Variants in KCNIP4 observed in about 807,000 individuals in gnomAD.
The protein encoded by KCNIP4 is potassium voltage-gated channel interacting protein 4.
In KCNIP4, 12 loss-of-function variants were observed where a neutral mutation model predicts 34.0. That is an observed-to-expected ratio of 0.35 (90% confidence interval 0.23 to 0.57). The LOEUF (loss-of-function observed/expected upper bound fraction) is 0.57, where lower values mean the gene tolerates loss of function less well. Among genes scored for constraint, KCNIP4 ranks in the 20% least tolerant of loss-of-function variants. The pLI, the probability that KCNIP4 is intolerant of heterozygous loss-of-function variation, is 0.83. For missense variants in KCNIP4, 238 were observed against 311.7 expected (o/e 0.76, Z 1.78); for synonymous variants, 124 against 102.2 (o/e 1.21, Z -1.29).
At chr4:21,029,795 T>C (rs1263496181) in intron 1 of KCNIP4, among the ~76,000 whole-genome samples, 1 of 152,214 alleles carries the variant, frequency 6.6e-6, no homozygotes. Flanking sequence ...CTACACCAAC[T>C]TGAGAGCCTT....
intron 1 of KCNIP4, among the ~76,000 whole-genome samples, chr4:21,496,417 G>A (rs1312463980): frequency 6.6e-6 from 1 of 152,148 alleles, no homozygotes; most frequent in East Asian, 1.9e-4. Context: ...GGCCTCTCAA[G>A]TCCTAACAGC....
intron 1 of KCNIP4, among the ~76,000 whole-genome samples, chr4:21,195,924 A>T (rs1355152676): frequency 3.9e-5 from 6 of 152,128 alleles, no homozygotes; most frequent in Non-Finnish European, 8.8e-5. Context: ...TTTGTCGAGT[A>T]AGCATCATTC....
At chr4:21,251,393 A>G (rs1285158396) in intron 1 of KCNIP4, among the ~76,000 whole-genome samples, 1 of 152,172 alleles carries the variant, frequency 6.6e-6, no homozygotes, top group African/African-American at 2.4e-5. Context: ...TAAAAAATGC[A>G]CACAGCAATC....
chr4:21,599,641 T>C (rs1257028323), intron 1 of KCNIP4, among the ~76,000 whole-genome samples: 1 of 152,126 alleles, frequency 6.6e-6, no homozygotes, highest in Non-Finnish European at 1.5e-5. Context: ...TTGTTGCTTC[T>C]ACTACAAAGT....
intron 2 of KCNIP4, among the ~76,000 whole-genome samples, chr4:20,867,493 C>A (rs1035967540): frequency 2.6e-5 from 4 of 151,986 alleles, no homozygotes; most frequent in Admixed American, 2.0e-4. Flanking sequence ...TGAAGCTGGA[C>A]CCCCACCTTT....
At chr4:21,096,544 C>A (rs1747473015) in intron 1 of KCNIP4, among the ~76,000 whole-genome samples, 1 of 152,002 alleles carries the variant, frequency 6.6e-6, no homozygotes, top group Non-Finnish European at 1.5e-5. Flanking sequence ...CTCATTTGAA[C>A]ATCAAAAATA....
intron 1 of KCNIP4, among the ~76,000 whole-genome samples, chr4:21,608,478 C>T (rs576674216): frequency 9.8e-5 from 15 of 152,290 alleles, no homozygotes; most frequent in African/African-American, 1.7e-4. Context: ...TGTCTCCTTC[C>T]TCCATTTTCA....
chr4:21,026,923 G>A (rs1041374061), intron 1 of KCNIP4, among the ~76,000 whole-genome samples: 16 of 152,174 alleles, frequency 1.1e-4, no homozygotes, highest in Non-Finnish European at 2.9e-5. Context: ...CTAGGCAAGA[G>A]TTGGATGATG....
chr4:21,628,470 A>G (rs1745485421), intron 1 of KCNIP4, among the ~76,000 whole-genome samples: 1 of 152,180 alleles, frequency 6.6e-6, no homozygotes, highest in Non-Finnish European at 1.5e-5. Flanking sequence ...ACAAATTAAA[A>G]ATGAGCCGTG....
chr4:21,342,060 C>T lies in KCNIP4; in HGVS notation c.62-459351G>A, dbSNP rs146791196. Among the ~76,000 whole-genome samples the T allele has an allele frequency of 2.5e-3, 383 of 152,166 alleles. 1 individual carries two copies. The highest frequency in any genetic ancestry group is 8.9e-3 in the African/African-American group (369 of 41,526). ...CCAATAAGAAACAAGGATGCAACAA[C>T]AACAATGACAACAGACCTAAGTGGA... On this transcript the variant is annotated intron_variant, in intron 1 of 8. Coordinates refer to ENST00000382152, the MANE Select transcript of KCNIP4 (RefSeq NM_025221.6).
At chr4:21,080,683 T>A (rs1745925725) in intron 1 of KCNIP4, among the ~76,000 whole-genome samples, 1 of 151,614 alleles carries the variant, frequency 6.6e-6, no homozygotes, top group South Asian at 2.1e-4. Flanking sequence ...AGATATAAGA[T>A]CTTGTAAAAA....
chr4:21,501,719 T>TGTGTGTG (rs1272906918), intron 1 of KCNIP4, among the ~76,000 whole-genome samples: 10 of 149,124 alleles, frequency 6.7e-5, no homozygotes, highest in African/African-American at 9.9e-5. Flanking sequence ...TGTGTGTGCG[T>TGTGTGTG]TGGAAGGGGC....
At chr4:20,917,022 T>TC (rs1728906993) in intron 1 of KCNIP4, among the ~76,000 whole-genome samples, 1 of 26,086 alleles carries the variant, frequency 3.8e-5, no homozygotes, top group Non-Finnish European at 8.1e-5. Context: ...TATATATATA[T>TC]ATATATATAT....
intron 1 of KCNIP4, among the ~76,000 whole-genome samples, chr4:21,275,088 A>T (rs974238250): frequency 6.6e-6 from 1 of 152,218 alleles, no homozygotes; most frequent in African/African-American, 2.4e-5. Context: ...GGTACATTTG[A>T]TAGGAACCAT....
At chr4:21,087,759 C>T (rs557368741) in intron 1 of KCNIP4, among the ~76,000 whole-genome samples, 2 of 152,260 alleles carry the variant, frequency 1.3e-5, no homozygotes, top group East Asian at 1.9e-4. Context: ...ACATATCTGT[C>T]AGCAGCACTC....
chr4:20,816,290 G>A (rs1716376148), intron 3 of KCNIP4, among the ~76,000 whole-genome samples: 1 of 151,554 alleles, frequency 6.6e-6, no homozygotes, highest in Non-Finnish European at 1.5e-5. Context: ...AGAAGGCAGA[G>A]CCTTTCTCAA....
chr4:21,883,232 T>C (rs1027519471), intron 1 of KCNIP4, among the ~76,000 whole-genome samples: 3 of 150,294 alleles, frequency 2.0e-5, no homozygotes, highest in Admixed American at 6.7e-5. Flanking sequence ...TGCAGCCTTA[T>C]ACTCCTGGCC....
chr4:20,996,259 C>T (rs1410184872), intron 1 of KCNIP4, among the ~76,000 whole-genome samples: 1 of 152,216 alleles, frequency 6.6e-6, no homozygotes, highest in African/African-American at 2.4e-5. Context: ...CTTTCGCTCT[C>T]ACACCCCTAA....
rs114976450 is a variant in KCNIP4 at position 21,686,734 on chromosome 4, C to A, written c.61+261837G>T. Among the ~76,000 whole-genome samples the A allele has an allele frequency of 6.7e-3, 1,022 of 152,180 alleles. 11 individuals are homozygous for A. Among genetic ancestry groups the A allele is most frequent in the African/African-American group, 0.023 (952 of 41,542 alleles). On this transcript the variant is annotated intron_variant, in intron 1 of 8. Transcript: ENST00000382152. ...GTACCAGGTAGAGATAGAACAGAACCATAACACAGATTAGAATGAGCAGCT... is the reference window on the plus strand; with the variant it reads ...GTACCAGGTAGAGATAGAACAGAACAATAACACAGATTAGAATGAGCAGCT...
Sources: gnomAD v4.1 joint callset for allele counts (sites outside exome capture counted in the v4.1 genomes callset) on GRCh38, gnomAD v4.1.1 for gene constraint, MANE v1.5 for transcripts, NCBI Gene and HGNC (gene_info 2026-07-23, HGNC 2026-07-21) for gene names.